RAD51B: variants seen among roughly 807,000 people sequenced by gnomAD.
The protein encoded by RAD51B is RAD51 paralog B.
RAD51B carries 38 observed loss-of-function variants against 42.2 expected under a neutral mutation model. The ratio of observed to expected loss-of-function variants is 0.90; its 90% CI spans 0.70 to 1.18. The LOEUF (loss-of-function observed/expected upper bound fraction) is 1.18. RAD51B is among the 50% of genes most tolerant of loss of function. The probability of loss-of-function intolerance (pLI) is 0.00; values close to 1 mark genes in which losing one functional copy is unlikely to be tolerated. For missense variants in RAD51B, 373 were observed against 400.7 expected (o/e 0.93, Z 0.59); for synonymous variants, 154 against 145.2 (o/e 1.06, Z -0.43).
chr14:68,300,159 G>A (rs760643275), intron 8 of RAD51B, among the ~76,000 whole-genome samples: 3 of 152,186 alleles, frequency 2.0e-5, no homozygotes, highest in Non-Finnish European at 2.9e-5. Flanking sequence ...TTATAAGTTT[G>A]TTAAGTAGGA....
chr14:67,989,849 T>A (rs2075264006), intron 7 of RAD51B, among the ~76,000 whole-genome samples: 1 of 152,072 alleles, frequency 6.6e-6, no homozygotes, highest in Non-Finnish European at 1.5e-5. Flanking sequence ...TGCTCAACCC[T>A]GGATTTTTCC....
Position 68,315,744 on chromosome 14 carries a change from C to G in RAD51B, c.853+23764C>G, listed in dbSNP as rs146594807. 4.3e-3 allele frequency among the ~76,000 whole-genome samples: 648 copies of G among 152,164 alleles called. 5 individuals carry two copies. Among genetic ancestry groups the G allele is most frequent in the African/African-American group, 0.014 (587 of 41,526 alleles). On this transcript the variant is annotated intron_variant, in intron 8 of 10. Transcript: ENST00000471583. ...TCACCATGTTAGCCAGGATAGTCTC[C>G]ATCTCCTGACCTCATGATCTGCCCG... is the stretch of plus-strand genomic sequence containing the variant.
intron 10 of RAD51B, among the ~76,000 whole-genome samples, chr14:68,602,848 T>C (rs1328019272): frequency 6.6e-6 from 1 of 152,198 alleles, no homozygotes; most frequent in Non-Finnish European, 1.5e-5. Flanking sequence ...CCATCATGCT[T>C]TTCATCTGGT....
chr14:68,200,026 T>C (rs1313107784), intron 7 of RAD51B, among the ~76,000 whole-genome samples: 1 of 152,140 alleles, frequency 6.6e-6, no homozygotes, highest in Non-Finnish European at 1.5e-5. Flanking sequence ...CTTTTCCTTT[T>C]TGCTTTTTCT....
chr14:68,467,654 C>T (rs1006814286), intron 9 of RAD51B, among the ~76,000 whole-genome samples: 2 of 152,218 alleles, frequency 1.3e-5, no homozygotes, highest in African/African-American at 2.4e-5. Flanking sequence ...ATGGGAAATG[C>T]TCTACACCTT....
intron 8 of RAD51B, among the ~76,000 whole-genome samples, chr14:68,312,207 A>T (rs917395469): frequency 3.3e-5 from 5 of 152,158 alleles, no homozygotes; most frequent in African/African-American, 1.2e-4. Context: ...GATTGTGAAG[A>T]TTGGCTCAGC....
At chr14:67,949,035 A>C (rs934417310) in intron 7 of RAD51B, among the ~76,000 whole-genome samples, 1 of 151,898 alleles carries the variant, frequency 6.6e-6, no homozygotes, top group African/African-American at 2.4e-5. Flanking sequence ...GTGAGTCATA[A>C]GCTTTTTGCT....
chr14:67,831,823 C>T (rs765999041), intron 3 of RAD51B, among the ~76,000 whole-genome samples: 55 of 152,242 alleles, frequency 3.6e-4, no homozygotes, highest in Admixed American at 5.9e-4. Flanking sequence ...GGATTACAGG[C>T]GTGAGCCACC....
intron 7 of RAD51B, among the ~76,000 whole-genome samples, chr14:68,039,776 T>C (rs771075749): frequency 3.3e-5 from 5 of 152,232 alleles, no homozygotes; most frequent in Non-Finnish European, 5.9e-5. Context: ...CCTACTCACC[T>C]ATGACCCTAG....
intron 7 of RAD51B, among the ~76,000 whole-genome samples, chr14:67,949,442 T>C (rs768857588): frequency 1.4e-4 from 22 of 152,256 alleles, no homozygotes; most frequent in Non-Finnish European, 2.5e-4. Context: ...GGTCATGAGA[T>C]TGTAACAATT....
At chr14:67,853,647 T>C (rs567688592) in intron 4 of RAD51B, among the ~76,000 whole-genome samples, 29 of 152,220 alleles carry the variant, frequency 1.9e-4, no homozygotes, top group Middle Eastern at 3.2e-3. Flanking sequence ...AGATGTCAGA[T>C]AGATCTGGTG....
intron 10 of RAD51B, among the ~76,000 whole-genome samples, chr14:68,516,668 C>T (rs1594934521): frequency 6.6e-6 from 1 of 152,106 alleles, no homozygotes; most frequent in Non-Finnish European, 1.5e-5. Context: ...ACTTTTTGTG[C>T]TCAGTTATGT....
intron 9 of RAD51B, among the ~76,000 whole-genome samples, chr14:68,436,007 T>C (rs2140146875): frequency 6.6e-6 from 1 of 152,346 alleles, no homozygotes; most frequent in Non-Finnish European, 1.5e-5. Flanking sequence ...TTTCTTTTGC[T>C]GTTCAGAAGC....
chr14:68,386,896 A>G (rs2083606052), intron 8 of RAD51B, among the ~76,000 whole-genome samples: 1 of 152,256 alleles, frequency 6.6e-6, no homozygotes, highest in Non-Finnish European at 1.5e-5. Flanking sequence ...GGTTTGTGAC[A>G]TAGAAAAATT....
At chr14:67,891,584 A>G (rs2043220529) in intron 7 of RAD51B, among the ~76,000 whole-genome samples, 1 of 152,094 alleles carries the variant, frequency 6.6e-6, no homozygotes, top group African/African-American at 2.4e-5. Flanking sequence ...TTTTATTATT[A>G]TTTGAGACAA....
intron 8 of RAD51B, among the ~76,000 whole-genome samples, chr14:68,356,748 G>A (rs568860261): frequency 2.0e-5 from 3 of 152,044 alleles, no homozygotes; most frequent in Admixed American, 6.5e-5. Context: ...TTGGGAGGCC[G>A]AGGCGGGCGG....
chr14:68,413,827 T>C (rs1475279286), intron 9 of RAD51B, among the ~76,000 whole-genome samples: 2 of 152,208 alleles, frequency 1.3e-5, no homozygotes, highest in Non-Finnish European at 2.9e-5. Flanking sequence ...AGTACTTTCT[T>C]ATAACACCAT....
chr14:68,580,329 C>T (rs1890155728), intron 10 of RAD51B, among the ~76,000 whole-genome samples: 1 of 150,230 alleles, frequency 6.7e-6, no homozygotes, highest in Admixed American at 6.6e-5. Flanking sequence ...GCTTAGCACA[C>T]AGCAGGTCTC....
intron 7 of RAD51B, among the ~76,000 whole-genome samples, chr14:68,136,841 A>G (rs1206463681): frequency 1.5e-5 from 1 of 68,546 alleles, no homozygotes; most frequent in African/African-American, 3.1e-5. Context: ...AAACCAGTCC[A>G]GAGGCTATGC....
Sources: gnomAD v4.1 joint callset for allele counts (sites outside exome capture counted in the v4.1 genomes callset) on GRCh38, gnomAD v4.1.1 for gene constraint, MANE v1.5 for transcripts, NCBI Gene and HGNC (gene_info 2026-07-23, HGNC 2026-07-21) for gene names.